The following ERAP2 variants were observed in gnomAD, a reference collection of about 807,000 sequenced individuals.
ERAP2 encodes endoplasmic reticulum aminopeptidase 2, also known as leukocyte-derived arginine aminopeptidase.
ERAP2 carries 118 observed loss-of-function variants against 111.1 expected under a neutral mutation model. That is an observed-to-expected ratio of 1.06 (90% CI 0.92 to 1.24). The LOEUF (loss-of-function observed/expected upper bound fraction) is 1.24. Ranked by LOEUF, ERAP2 falls within the 50% of genes most tolerant of loss-of-function variation. ERAP2 has a pLI of 0.00. For synonymous variants in ERAP2, 410 were observed against 401.2 expected (o/e 1.02, Z -0.26); for missense variants, 1,131 against 1,125.8 (o/e 1.00, Z -0.07).
rs1430819262 is a variant in ERAP2 at position 96,909,752 on chromosome 5, G to C, written c.2342G>C (p.Ser781Thr). 5 of 1,613,972 alleles carry C rather than the reference G, an allele frequency of 3.1e-6. No individual in the cohort carries two copies. The East Asian group carries it at 6.7e-5, about 22-fold the overall frequency. Residue 781 changes from serine to threonine, a missense_variant, in exon 15 of 19, where the codon AGT becomes ACT. Around this residue, in one of 3 missense-constraint regions of ERAP2, gnomAD observed 279 missense variants for 250.9 expected, o/e 1.11. Coordinates refer to ENST00000437043, the MANE Select transcript of ERAP2 (RefSeq NM_022350.5). ...CTCTTCTCCCAGTGGATGGAATCCA[G>C]TGGAAAATTAAAGTAGATGTAGACT... ...AELFSQWMES[S>T]GKLNIPTDVL...
At chr5:96,892,723 G>C (rs1784505011) in intron 6 of ERAP2, among the ~76,000 whole-genome samples, 1 of 152,184 alleles carries the variant, frequency 6.6e-6, no homozygotes, top group South Asian at 2.1e-4. Context: ...GGAAAAGAAG[G>C]GAAGTGACTA....
intron 4 of ERAP2, among the ~76,000 whole-genome samples, chr5:96,887,797 A>T (rs1783915604): frequency 6.6e-6 from 1 of 152,246 alleles, no homozygotes; most frequent in South Asian, 2.1e-4. Flanking sequence ...TAGACTTAAA[A>T]ACATTTTTAA....
At chr5:96,908,752 T>A (rs762416032) in intron 13 of ERAP2, among the ~76,000 whole-genome samples, 14 of 152,184 alleles carry the variant, frequency 9.2e-5, no homozygotes, top group Non-Finnish European at 1.8e-4. Context: ...TTATCCCCAT[T>A]GTATAAAGAA....
chr5:96,895,107 G>A, intron 6 of ERAP2, 139 bp from the exon 7 acceptor site: 1 of 571,610 alleles, frequency 1.7e-6, no homozygotes, highest in Non-Finnish European at 3.0e-6. Flanking sequence ...GAAGAAAATT[G>A]TACAGAGAGA....
At chr5:96,882,987 G>C (rs925664004) in intron 2 of ERAP2, among the ~76,000 whole-genome samples, 1 of 152,080 alleles carries the variant, frequency 6.6e-6, no homozygotes, top group Admixed American at 6.6e-5. Flanking sequence ...TACAGTTTCA[G>C]GCATATCCTG....
chr5:96,901,745 T>C, intron 11 of ERAP2, 64 bp downstream of exon 11: 1 of 1,528,098 alleles, frequency 6.5e-7, no homozygotes, highest in Non-Finnish European at 8.9e-7. Context: ...TTTCCTTAGC[T>C]TTCTCTCAGC....
At position 96,901,520 on chromosome 5, in the gene ERAP2, G is replaced by T. The variant is rs1483601942; in HGVS notation, c.1587G>T (p.Gly529=). Residue 529 remains glycine, a synonymous_variant, in exon 11 of 19, where the codon GGG becomes GGT. Coordinates refer to ENST00000437043, the MANE Select transcript of ERAP2 (RefSeq NM_022350.5). The part of the protein sequence containing the change: ...KMTSNMLAFL[G]ENAEVKEMMT... Reference sequence around the variant, plus strand: ...TGTCATTTCAGCTCGCCTTTCTGGGGGAAAATGCAGAGGTCAAAGAGATGA... The same window carrying T: ...TGTCATTTCAGCTCGCCTTTCTGGGTGAAAATGCAGAGGTCAAAGAGATGA... 1 of 1,613,136 alleles carries T rather than the reference G, an allele frequency of 6.2e-7. No individual in the cohort carries two copies. Among genetic ancestry groups the T allele is most frequent in the East Asian group, 2.2e-5 (1 of 44,876 alleles).
rs138669960 is a variant in ERAP2, at chr5:96,909,638, G to A, written c.2228G>A (p.Gly743Asp). Reference sequence around the variant, plus strand: ...GACAGGCAAAGCTGGAGTGACAAGGGCTCAGTCTGGGACAGGATGCTCCGC... The same window carrying A: ...GACAGGCAAAGCTGGAGTGACAAGGACTCAGTCTGGGACAGGATGCTCCGC... ...VIDRQSWSDK[G>D]SVWDRMLRSA... is the part of the protein sequence containing the mutation. The change falls in exon 15 of 19, where the codon GGC (glycine) becomes GAC (aspartate). Residue 743 changes from glycine to aspartate, a missense_variant. By Grantham distance (94) the Gly-to-Asp change is moderately conservative. Transcript: ENST00000437043. 1.3e-4 allele frequency: 216 copies of A among 1,614,018 alleles called. No homozygotes were observed. The highest frequency in any genetic ancestry group is 3.3e-4 in the Admixed American group (20 of 59,998).
intron 7 of ERAP2, among the ~76,000 whole-genome samples, 158 bp downstream of exon 7, chr5:96,895,517 A>G (rs1431419962): frequency 6.6e-6 from 1 of 152,204 alleles, no homozygotes; most frequent in Non-Finnish European, 1.5e-5. Flanking sequence ...ACAGAACTGG[A>G]TGAAACATTG....
Position 96,901,544 on chromosome 5 carries a change from G to C in ERAP2, c.1611G>C (p.Met537Ile), listed in dbSNP as rs1256252147. The change falls in exon 11 of 19, where the codon ATG (methionine) becomes ATC (isoleucine). Residue 537 changes from methionine to isoleucine, a missense_variant. This residue lies in a region of ERAP2 where 847 missense variants were observed against 856.5 expected (regional missense o/e 0.99). Transcript: ENST00000437043. Reference sequence around the variant, plus strand: ...GGGAAAATGCAGAGGTCAAAGAGATGATGACTACATGGACTCTCCAGAAAG... The same window carrying C: ...GGGAAAATGCAGAGGTCAAAGAGATCATGACTACATGGACTCTCCAGAAAG... ...FLGENAEVKE[M>I]MTTWTLQKGI... 16 of 1,614,048 alleles carry C rather than the reference G, an allele frequency of 9.9e-6. No homozygotes were observed. Among genetic ancestry groups the C allele is most frequent in the Non-Finnish European group, 1.4e-5 (16 of 1,179,938 alleles).
At chr5:96,876,000 G>C (rs143715161), upstream of ERAP2, 1 of 152,536 alleles carries the variant, frequency 6.6e-6, no homozygotes, top group African/African-American at 2.4e-5. Context: ...CAGTCCCCTC[G>C]TGCCCAAGGA....
At chr5:96,917,239 TG>T (rs5869740) in intron 18 of ERAP2, among the ~76,000 whole-genome samples, 57,076 of 151,982 alleles carry the variant, frequency 0.38, 10,879 homozygotes, top group Non-Finnish European at 0.42. Context: ...TCCAAGTAGC[TG>T]GGACTACAGG....
chr5:96,912,888 A>G (rs1053167788), intron 16 of ERAP2, 90 bp downstream of exon 16: 1 of 1,041,428 alleles, frequency 9.6e-7, no homozygotes. Context: ...TTTTAAAGGC[A>G]TAAGATAATT....
At position 96,890,793 on chromosome 5, in the gene ERAP2, T is replaced by A. The variant is rs535340806; in HGVS notation, c.970+1488T>A. Among the ~76,000 whole-genome samples, 36 of 152,298 alleles carry A rather than the reference T, an allele frequency of 2.4e-4. 2 individuals carry two copies. In the South Asian group the frequency reaches 5.8e-3, roughly 25 times the overall value. ...CTCTGCTATTATTGTGCAGGTTCTA[T>A]ATACTCTTTAGTACAGATATACTAA... On this transcript the variant is annotated intron_variant, in intron 5 of 18. Coordinates refer to ENST00000437043, the MANE Select transcript of ERAP2 (RefSeq NM_022350.5).
At chr5:96,879,533 G>A (rs1341689734) in intron 1 of ERAP2, 31 bp from the exon 2 acceptor site, 7 of 575,604 alleles carry the variant, frequency 1.2e-5, no homozygotes, top group African/African-American at 3.7e-5. Context: ...AATCTTTTTT[G>A]TCATGCTATA....
chr5:96,901,764 C>A, intron 11 of ERAP2, 83 bp downstream of exon 11: 1 of 1,405,634 alleles, frequency 7.1e-7, no homozygotes, highest in Non-Finnish European at 9.7e-7. Flanking sequence ...GCTCATCTGG[C>A]AACTTTGTAG....
At chr5:96,896,266 C>T (rs1784848593) in intron 7 of ERAP2, 107 bp from the exon 8 acceptor site, 2 of 839,766 alleles carry the variant, frequency 2.4e-6, no homozygotes, top group South Asian at 4.1e-5. Flanking sequence ...CAAGAAATAT[C>T]GATTGAAATC....
At chr5:96,884,666 T>TC (rs746611276) in intron 3 of ERAP2, among the ~76,000 whole-genome samples, 4 of 152,126 alleles carry the variant, frequency 2.6e-5, no homozygotes, top group Admixed American at 1.3e-4. Flanking sequence ...CAAGCAATTC[T>TC]CCTCCCTCAG....
At chr5:96,910,784 A>G (rs1249051498) in intron 15 of ERAP2, among the ~76,000 whole-genome samples, 2 of 152,190 alleles carry the variant, frequency 1.3e-5, no homozygotes, top group Non-Finnish European at 2.9e-5. Flanking sequence ...TTTAATGAAG[A>G]ATTTCTTTAC....
Sources: allele counts gnomAD v4.1 joint callset (sites outside exome capture counted in the v4.1 genomes callset), GRCh38; gene constraint gnomAD v4.1.1; regional missense constraint gnomAD v4.1.1; transcripts MANE v1.5; gene names NCBI Gene and HGNC (gene_info 2026-07-23, HGNC 2026-07-21).